The following CSMD1 variants were observed in gnomAD, a reference collection of about 807,000 sequenced individuals.
CSMD1 encodes the protein CUB and Sushi multiple domains 1, also known as CUB and sushi domain-containing protein 1.
In CSMD1, 213 loss-of-function variants were observed where a neutral mutation model predicts 417.5. The observed-to-expected ratio is 0.51, with a 90% confidence interval of 0.46 to 0.57. CSMD1 has a LOEUF of 0.57. Ranked by LOEUF, CSMD1 falls within the 20% of genes least tolerant of loss-of-function variation. The probability of loss-of-function intolerance (pLI) is 0.00; values close to 1 mark genes in which losing one functional copy is unlikely to be tolerated. For synonymous variants in CSMD1, 2,862 were observed against 1,736.8 expected (o/e 1.65, Z -16.11); for missense variants, 6,923 against 4,529.7 (o/e 1.53, Z -15.17).
chr8:4,420,989 C>G (rs1014236995), intron 2 of CSMD1, among the ~76,000 whole-genome samples: 3 of 152,130 alleles, frequency 2.0e-5, no homozygotes, highest in Admixed American at 6.6e-5. Flanking sequence ...TTGTATTCAT[C>G]TTTGTAAACT....
At chr8:3,857,577 C>T (rs752347964) in intron 5 of CSMD1, among the ~76,000 whole-genome samples, 4 of 152,176 alleles carry the variant, frequency 2.6e-5, no homozygotes, top group African/African-American at 4.8e-5. Flanking sequence ...TGTTCTGTTT[C>T]TACGCTGTGT....
At chr8:3,936,628 C>T (rs1369786158) in intron 5 of CSMD1, among the ~76,000 whole-genome samples, 2 of 152,138 alleles carry the variant, frequency 1.3e-5, no homozygotes, top group South Asian at 2.1e-4. Context: ...AGACGTACTG[C>T]TCAGAAAAAG....
intron 2 of CSMD1, among the ~76,000 whole-genome samples, chr8:4,600,993 G>C (rs962841737): frequency 5.9e-5 from 8 of 134,618 alleles, no homozygotes; most frequent in Non-Finnish European, 1.1e-4. Flanking sequence ...TTTTGCTCTC[G>C]TCACCCAGGC....
intron 1 of CSMD1, among the ~76,000 whole-genome samples, chr8:4,654,423 G>C (rs1330060312): frequency 1.3e-5 from 2 of 152,034 alleles, no homozygotes; most frequent in African/African-American, 4.8e-5. Context: ...CAAATTCTTT[G>C]CTTGGTGAGT....
chr8:4,310,655 T>C (rs1251292682), intron 3 of CSMD1, among the ~76,000 whole-genome samples: 1 of 152,122 alleles, frequency 6.6e-6, no homozygotes, highest in Non-Finnish European at 1.5e-5. Context: ...TGACCGAGAC[T>C]ATAAAATTTA....
intron 1 of CSMD1, among the ~76,000 whole-genome samples, chr8:4,974,257 C>T (rs549903708): frequency 1.3e-5 from 2 of 151,914 alleles, no homozygotes; most frequent in African/African-American, 4.8e-5. Flanking sequence ...AACTCCTGAC[C>T]TCATGTGATC....
intron 3 of CSMD1, among the ~76,000 whole-genome samples, chr8:4,373,679 C>T (rs745372208): frequency 6.6e-6 from 1 of 152,090 alleles, no homozygotes; most frequent in East Asian, 1.9e-4. Context: ...AAACGTTTCA[C>T]TTTAATTTAA....
chr8:3,105,453 C>T (rs193295513), intron 46 of CSMD1, among the ~76,000 whole-genome samples: 10 of 152,312 alleles, frequency 6.6e-5, no homozygotes, highest in East Asian at 5.8e-4. Context: ...AATGATGTTT[C>T]GACTTACTTG....
chr8:4,181,337 G>A (rs1700121), intron 3 of CSMD1, among the ~76,000 whole-genome samples: 32,190 of 151,834 alleles, frequency 0.21, 3,525 homozygotes, highest in East Asian at 0.29. Context: ...TAAAAGAAAT[G>A]CAATGGTACG....
chr8:4,791,452 G>A (rs926672029), intron 1 of CSMD1, among the ~76,000 whole-genome samples: 1 of 152,180 alleles, frequency 6.6e-6, no homozygotes, highest in Non-Finnish European at 1.5e-5. Context: ...TAAGGTTTGT[G>A]ATCTTGAAAA....
At chr8:4,743,027 A>G (rs773090662) in intron 1 of CSMD1, among the ~76,000 whole-genome samples, 2 of 152,170 alleles carry the variant, frequency 1.3e-5, no homozygotes, top group South Asian at 2.1e-4. Flanking sequence ...AATTACAGCT[A>G]TTTTCTAAGT....
chr8:4,307,118 C>T (rs922035624), intron 3 of CSMD1, among the ~76,000 whole-genome samples: 1 of 152,170 alleles, frequency 6.6e-6, no homozygotes, highest in Non-Finnish European at 1.5e-5. Context: ...AGGCCGGCTG[C>T]CTCCTTGTCT....
intron 3 of CSMD1, among the ~76,000 whole-genome samples, chr8:4,262,472 A>T (rs142834824): frequency 1.7e-3 from 252 of 152,278 alleles, no homozygotes; most frequent in African/African-American, 5.8e-3. Flanking sequence ...GACAGATATT[A>T]TATTTCCCTT....
chr8:3,120,707 G>GC (rs1010639883), intron 41 of CSMD1, among the ~76,000 whole-genome samples: 1 of 137,200 alleles, frequency 7.3e-6, no homozygotes, highest in African/African-American at 2.5e-5. Flanking sequence ...ATTAGCCAGG[G>GC]GGGGTGACCG....
At chr8:4,641,518 T>A (rs1205201422) in intron 1 of CSMD1, among the ~76,000 whole-genome samples, 1 of 152,154 alleles carries the variant, frequency 6.6e-6, no homozygotes, top group Non-Finnish European at 1.5e-5. Context: ...TTGTTGACCG[T>A]CTAAGTAGCC....
intron 3 of CSMD1, among the ~76,000 whole-genome samples, chr8:4,035,167 G>C (rs2554565): frequency 0.91 from 138,529 of 152,094 alleles, 63,133 homozygotes; most frequent in East Asian, 0.99. Context: ...AGATGATGGC[G>C]TACTGATGTT....
intron 30 of CSMD1, among the ~76,000 whole-genome samples, chr8:3,213,846 A>G (rs935374932): frequency 2.2e-5 from 3 of 136,680 alleles, no homozygotes; most frequent in African/African-American, 6.4e-5. Flanking sequence ...GTGTGTGTGT[A>G]TATACATACA....
intron 4 of CSMD1, among the ~76,000 whole-genome samples, chr8:4,005,311 T>A (rs1055560193): frequency 6.6e-6 from 1 of 152,092 alleles, no homozygotes; most frequent in Non-Finnish European, 1.5e-5. Context: ...TAAAAAAAGT[T>A]TCAAGCCTAC....
chr8:3,993,541 G>T (rs983779381), intron 5 of CSMD1, among the ~76,000 whole-genome samples: 1 of 152,150 alleles, frequency 6.6e-6, no homozygotes, highest in Admixed American at 6.5e-5. Context: ...TAGTAAAATT[G>T]TGCTGGTTTA....
Sources: gnomAD v4.1 joint callset for allele counts (sites outside exome capture counted in the v4.1 genomes callset) on GRCh38, gnomAD v4.1.1 for gene constraint, MANE v1.5 for transcripts, NCBI Gene and HGNC (gene_info 2026-07-23, HGNC 2026-07-21) for gene names.